The following UBOX5 variants were observed in gnomAD, a reference collection of about 807,000 sequenced individuals.
The protein encoded by UBOX5 is U-box domain containing 5.
UBOX5 carries 28 observed loss-of-function variants against 39.0 expected under a neutral mutation model. That is an observed-to-expected ratio of 0.72 (90% CI 0.53 to 0.98). UBOX5 has a LOEUF of 0.98. UBOX5 is among the 50% of genes least tolerant of loss of function. UBOX5 has a pLI of 0.00. For synonymous variants in UBOX5, 283 were observed against 275.5 expected (o/e 1.03, Z -0.27); for missense variants, 585 against 674.4 (o/e 0.87, Z 1.47).
chr20:3,150,167 T>C (rs1349916886), intron 1 of UBOX5, among the ~76,000 whole-genome samples: 1 of 152,202 alleles, frequency 6.6e-6, no homozygotes, highest in Non-Finnish European at 1.5e-5. Flanking sequence ...AGGAAGCTTA[T>C]AACAGAATTT....
At position 3,148,143 on chromosome 20, in the gene UBOX5, T is replaced by C. The variant is rs115932715; in HGVS notation, c.-42+11623A>G. On this transcript the variant is annotated intron_variant, in intron 1 of 4. Transcript: ENST00000217173. The stretch of plus-strand genomic sequence containing the variant: ...ACCTCCTCCAAATTGATCAAATCTA[T>C]ATATTTAAGGATCAATGATTCCAAT... The C allele has an allele frequency of 1.6e-4, 263 of 1,613,856 alleles. 1 individual carries two copies. The African/African-American group carries it at 3.1e-3, about 19-fold the overall frequency.
rs144020028 is a variant in UBOX5, at chr20:3,135,870, C to T, written c.-41-12464G>A. 4 of 152,182 alleles carry T rather than the reference C, an allele frequency of 2.6e-5. No individual in the cohort carries two copies. The East Asian group carries it at 7.7e-4, about 29-fold the overall frequency. 9.4% of individuals were successfully genotyped at this position (152,182 alleles called of 1,614,324 possible). A position where few individuals can be genotyped will look rare whatever the true frequency, so the allele number is the denominator to read the frequency against. On this transcript the variant is annotated intron_variant, in intron 1 of 4. Transcript: ENST00000217173. ...GTATCAGTAGGCTGGTTATGAAGTTCTAGTATAGCTATGCAAGATGTTACA... is the reference window on the plus strand; with the variant it reads ...GTATCAGTAGGCTGGTTATGAAGTTTTAGTATAGCTATGCAAGATGTTACA...
chr20:3,130,553 T>A (rs550318828), intron 1 of UBOX5, among the ~76,000 whole-genome samples: 234 of 152,154 alleles, frequency 1.5e-3, no homozygotes, highest in African/African-American at 5.5e-3. Flanking sequence ...AAATCTTAAG[T>A]AGATTTTTGT....
At chr20:3,130,439 G>A (rs946448204) in intron 1 of UBOX5, among the ~76,000 whole-genome samples, 2 of 150,870 alleles carry the variant, frequency 1.3e-5, no homozygotes, top group African/African-American at 4.9e-5. Context: ...TCAAATTCGT[G>A]AGCTCAAGCA....
chr20:3,159,306 G>A (rs1466210108), intron 1 of UBOX5, among the ~76,000 whole-genome samples: 1 of 152,208 alleles, frequency 6.6e-6, no homozygotes, highest in Non-Finnish European at 1.5e-5. Context: ...GCTACTCAGT[G>A]TGTGGTCTGC....
At chr20:3,132,582 G>A (rs1468103020) in intron 1 of UBOX5, among the ~76,000 whole-genome samples, 1 of 151,998 alleles carries the variant, frequency 6.6e-6, no homozygotes, top group East Asian at 1.9e-4. Context: ...ACTTTGGGTG[G>A]CTGAGGCGGG....
chr20:3,132,815 C>G (rs940507619), intron 1 of UBOX5, among the ~76,000 whole-genome samples: 3 of 77,772 alleles, frequency 3.9e-5, no homozygotes, highest in African/African-American at 1.5e-4. Flanking sequence ...GTGGGACTGT[C>G]TCAAAAAAAA....
intron 1 of UBOX5, among the ~76,000 whole-genome samples, chr20:3,155,068 A>G (rs4632430): frequency 0.35 from 46,205 of 130,484 alleles, 9,756 homozygotes; most frequent in East Asian, 0.52. Flanking sequence ...AAAAAAAAAA[A>G]AAAAGAAAAG....
At position 3,156,280 on chromosome 20, in the gene UBOX5, A is replaced by G. The variant is rs546103190; in HGVS notation, c.-42+3486T>C. 1.3e-3 allele frequency among the ~76,000 whole-genome samples: 204 copies of G among 151,132 alleles called. 1 individual carries two copies. The highest frequency in any genetic ancestry group is 4.8e-3 in the African/African-American group (196 of 41,058). ...AACCTCTGCATCCCGGGTTTAAGTA[A>G]TTCTCCTGCCTCAGCCTCCCAAGTA... On this transcript the variant is annotated intron_variant, in intron 1 of 4. Transcript: ENST00000217173.
At chr20:3,147,192 C>T (rs1568481036) in intron 1 of UBOX5, 3 of 1,614,172 alleles carry the variant, frequency 1.9e-6, no homozygotes, top group Non-Finnish European at 2.5e-6. Flanking sequence ...ATCAAATCAT[C>T]TGTAAGGCTG....
chr20:3,141,481 C>T (rs573681735), intron 1 of UBOX5, among the ~76,000 whole-genome samples: 1 of 151,586 alleles, frequency 6.6e-6, no homozygotes, highest in Non-Finnish European at 1.5e-5. Flanking sequence ...GAAACCCCGT[C>T]TCTACTAAAA....
At chr20:3,142,453 A>C (rs1412530080) in intron 1 of UBOX5, among the ~76,000 whole-genome samples, 1 of 151,924 alleles carries the variant, frequency 6.6e-6, no homozygotes, top group Admixed American at 6.6e-5. Flanking sequence ...ATACAAAAAA[A>C]ATCACCCAGG....
At chr20:3,143,144 G>C (rs571537936) in intron 1 of UBOX5, among the ~76,000 whole-genome samples, 62 of 108,784 alleles carry the variant, frequency 5.7e-4, no homozygotes, top group African/African-American at 2.2e-3. Flanking sequence ...CTCTGGCTCT[G>C]TTACCCAGGC....
At position 3,148,282 on chromosome 20, in the gene UBOX5, G is replaced by A. The variant is rs755994940; in HGVS notation, c.-42+11484C>T. The A allele has an allele frequency of 2.1e-5, 34 of 1,611,496 alleles. No homozygotes were observed. In the Admixed American group the frequency reaches 5.7e-4, roughly 27 times the overall value. The stretch of plus-strand genomic sequence containing the variant: ...GCAAATTAAGATAACTAGAAAAAAT[G>A]TTTAAAAACCTAGGTACTTTGCGGC... On this transcript the variant is annotated intron_variant, in intron 1 of 4. Coordinates refer to ENST00000217173, the MANE Select transcript of UBOX5 (RefSeq NM_014948.4).
intron 1 of UBOX5, chr20:3,146,919 G>A (rs777792270): frequency 6.2e-7 from 1 of 1,614,184 alleles, no homozygotes. Flanking sequence ...TTCATATTGT[G>A]CAGTCCAAGG....
Position 3,121,533 on chromosome 20 carries a change from G to T in UBOX5, c.1106C>A (p.Ala369Asp). The change falls in exon 3 of 5, where the codon GCT becomes GAT. Residue 369 changes from alanine (A) to aspartate (D), a missense_variant. Transcript: ENST00000217173. Reference protein sequence around the residue: ...LPSQKRKIEQAEHVPDSNFGV... With the variant: ...LPSQKRKIEQDEHVPDSNFGV... ...AAAGTTACTGTCTGGGACATGTTCAGCCTGCTCTATCTTCCTTTTCTGAGA... is the reference window on the plus strand; with the variant it reads ...AAAGTTACTGTCTGGGACATGTTCATCCTGCTCTATCTTCCTTTTCTGAGA... The T allele has an allele frequency of 6.2e-7, 1 of 1,613,232 alleles. No individual in the cohort carries two copies. Among genetic ancestry groups the T allele is most frequent in the Non-Finnish European group, 8.5e-7 (1 of 1,179,594 alleles).
At chr20:3,126,472 C>T (rs1204612556) in intron 1 of UBOX5, among the ~76,000 whole-genome samples, 1 of 149,818 alleles carries the variant, frequency 6.7e-6, no homozygotes, top group Non-Finnish European at 1.5e-5. Flanking sequence ...CTGCCACATC[C>T]CCCTCTCCGA....
At chr20:3,132,326 A>G (rs2066435828) in intron 1 of UBOX5, among the ~76,000 whole-genome samples, 1 of 152,156 alleles carries the variant, frequency 6.6e-6, no homozygotes, top group Non-Finnish European at 1.5e-5. Context: ...AAACAGAACA[A>G]AAACAAAACA....
Position 3,110,035 on chromosome 20 carries a change from T to G in UBOX5, c.*71A>C, listed in dbSNP as rs1469020638. On this transcript the variant is annotated 3_prime_UTR_variant, in exon 5 of 5. Coordinates refer to ENST00000217173, the MANE Select transcript of UBOX5 (RefSeq NM_014948.4). Reference sequence around the variant, plus strand: ...CTGGGGCCTGGCCAGACCTCAGGGGTGCTGTGGCCCTGCTCCTGTTCCCCC... The same window carrying G: ...CTGGGGCCTGGCCAGACCTCAGGGGGGCTGTGGCCCTGCTCCTGTTCCCCC... The G allele has an allele frequency of 6.3e-7, 1 of 1,574,898 alleles. No homozygotes were observed. The highest frequency in any genetic ancestry group is 8.6e-7 in the Non-Finnish European group (1 of 1,159,670).
Sources: gnomAD v4.1 joint callset for allele counts (sites outside exome capture counted in the v4.1 genomes callset) on GRCh38, gnomAD v4.1.1 for gene constraint, MANE v1.5 for transcripts, NCBI Gene and HGNC (gene_info 2026-07-23, HGNC 2026-07-21) for gene names.